Variants in LRBA observed in about 807,000 individuals in gnomAD.
LRBA encodes the protein lipopolysaccharide-responsive and beige-like anchor protein.
Under a neutral mutation model 330.0 loss-of-function variants are expected in LRBA, and 176 were observed. That is an observed-to-expected ratio of 0.53 (90% CI 0.47 to 0.60). The LOEUF (loss-of-function observed/expected upper bound fraction) is 0.60. LRBA is among the 20% of genes least tolerant of loss of function. The pLI, the probability that LRBA is intolerant of heterozygous loss-of-function variation, is 0.00. For synonymous variants in LRBA, 1,230 were observed against 1,193.0 expected (o/e 1.03, Z -0.64); for missense variants, 3,259 against 3,444.8 (o/e 0.95, Z 1.35).
rs146507247 is a variant in LRBA, at chr4:150,854,974, G to C, written c.2767-2031C>G. 2.9e-3 allele frequency among the ~76,000 whole-genome samples: 443 copies of C among 152,214 alleles called. 3 individuals are homozygous for C. The highest frequency in any genetic ancestry group is 0.01 in the African/African-American group (431 of 41,546). ...TCTGATTTCCCTTTTTAAAAGATCA[G>C]TGGCTGGGCACGGTGGCTCACGCCT... On this transcript the variant is annotated intron_variant, in intron 22 of 56. Coordinates refer to ENST00000651943, the MANE Select transcript of LRBA (RefSeq NM_001364905.1).
At chr4:150,299,657 A>G (rs1472537266) in intron 53 of LRBA, among the ~76,000 whole-genome samples, 2 of 151,986 alleles carry the variant, frequency 1.3e-5, no homozygotes, top group Non-Finnish European at 2.9e-5. Context: ...TATGGAAAAA[A>G]CAGTGTATGT....
intron 49 of LRBA, among the ~76,000 whole-genome samples, chr4:150,325,469 T>G (rs1340135988): frequency 6.6e-6 from 1 of 152,128 alleles, no homozygotes; most frequent in Non-Finnish European, 1.5e-5. Flanking sequence ...ACAGCAAAAC[T>G]AATCTAGAAA....
chr4:150,671,060 G>C (rs944940973), intron 37 of LRBA, among the ~76,000 whole-genome samples: 1 of 150,074 alleles, frequency 6.7e-6, no homozygotes, highest in African/African-American at 2.4e-5. Context: ...GAGAGAGAGA[G>C]AGACAGAGAG....
chr4:150,426,437 G>C (rs1749621848), intron 46 of LRBA, among the ~76,000 whole-genome samples: 1 of 151,660 alleles, frequency 6.6e-6, no homozygotes. Flanking sequence ...AAAATAATTG[G>C]GTTTAAGTCT....
In LRBA at chr4:150,760,438, T is replaced by C. The variant is rs541042256; in HGVS notation, c.5645+1345A>G. On this transcript the variant is annotated intron_variant, in intron 35 of 56. Transcript: ENST00000651943. ...CCCTCCTTCAACCTATCCTAAACAA[T>C]TCCGCCAGTTATCTTTCCAAACCCG... is the stretch of plus-strand genomic sequence containing the variant. Among the ~76,000 whole-genome samples, 28 of 152,128 alleles carry C rather than the reference T, an allele frequency of 1.8e-4. 1 individual carries two copies. The South Asian group carries it at 3.9e-3, about 21-fold the overall frequency.
At chr4:150,702,854 A>C (rs1454043954) in intron 36 of LRBA, among the ~76,000 whole-genome samples, 1 of 152,240 alleles carries the variant, frequency 6.6e-6, no homozygotes, top group Non-Finnish European at 1.5e-5. Flanking sequence ...GTTCAGAAAT[A>C]ATTTTCATAG....
At chr4:150,361,957 A>G (rs1300518996) in intron 47 of LRBA, among the ~76,000 whole-genome samples, 1 of 151,992 alleles carries the variant, frequency 6.6e-6, no homozygotes, top group East Asian at 1.9e-4. Context: ...ATTTTTTAGT[A>G]GAGACGGGGT....
intron 34 of LRBA, among the ~76,000 whole-genome samples, chr4:150,765,327 A>T (rs1735622348): frequency 6.6e-6 from 1 of 152,108 alleles, no homozygotes; most frequent in Non-Finnish European, 1.5e-5. Flanking sequence ...AACTATAATG[A>T]TGAAGACACA....
At chr4:150,343,948 T>TA (rs1735926595) in intron 48 of LRBA, among the ~76,000 whole-genome samples, 1 of 152,236 alleles carries the variant, frequency 6.6e-6, no homozygotes, top group Admixed American at 6.5e-5. Flanking sequence ...GTCCCCATGC[T>TA]ATCCGTCTAC....
intron 56 of LRBA, among the ~76,000 whole-genome samples, chr4:150,266,688 A>AAATT (rs1745384741): frequency 6.6e-6 from 1 of 152,248 alleles, no homozygotes; most frequent in Non-Finnish European, 1.5e-5. Flanking sequence ...GGCAGAGAGA[A>AAATT]AATTAAATAG....
At chr4:150,697,514 T>A (rs1033156863) in intron 36 of LRBA, among the ~76,000 whole-genome samples, 1 of 151,912 alleles carries the variant, frequency 6.6e-6, no homozygotes, top group Non-Finnish European at 1.5e-5. Flanking sequence ...GAATGAGACA[T>A]GTAATAAAGA....
intron 29 of LRBA, among the ~76,000 whole-genome samples, chr4:150,831,221 T>A (rs1444486233): frequency 6.6e-6 from 1 of 151,356 alleles, no homozygotes; most frequent in African/African-American, 2.4e-5. Flanking sequence ...TTTTTAGCAC[T>A]TTCACCACCT....
chr4:150,895,745 C>CGT (rs1730004093), intron 16 of LRBA, among the ~76,000 whole-genome samples: 1 of 152,140 alleles, frequency 6.6e-6, no homozygotes, highest in African/African-American at 2.4e-5. Context: ...AATAAACATA[C>CGT]GTGTGCATGT....
chr4:150,606,031 G>A (rs539234324), intron 37 of LRBA, among the ~76,000 whole-genome samples: 1 of 152,016 alleles, frequency 6.6e-6, no homozygotes, highest in Non-Finnish European at 1.5e-5. Context: ...CAAATTTTAT[G>A]TAATTAGGAA....
At chr4:150,430,870 T>C (rs1175862125) in intron 46 of LRBA, among the ~76,000 whole-genome samples, 1 of 152,152 alleles carries the variant, frequency 6.6e-6, no homozygotes, top group Non-Finnish European at 1.5e-5. Flanking sequence ...CAAGTAGTAA[T>C]CATTTCTACA....
intron 17 of LRBA, among the ~76,000 whole-genome samples, chr4:150,887,576 G>A (rs141344068): frequency 2.0e-5 from 3 of 152,108 alleles, no homozygotes; most frequent in African/African-American, 7.2e-5. Flanking sequence ...AGACCATCCT[G>A]GCTAATACGG....
chr4:150,541,667 A>C (rs1765330121), intron 40 of LRBA, among the ~76,000 whole-genome samples: 2 of 152,148 alleles, frequency 1.3e-5, no homozygotes, highest in Non-Finnish European at 2.9e-5. Flanking sequence ...TATACTATCT[A>C]CAGAAGACTC....
chr4:150,441,859 A>G (rs1751881222), intron 44 of LRBA, among the ~76,000 whole-genome samples: 1 of 152,116 alleles, frequency 6.6e-6, no homozygotes, highest in African/African-American at 2.4e-5. Context: ...AATTTTTCAA[A>G]TATTTCTTTA....
intron 37 of LRBA, among the ~76,000 whole-genome samples, chr4:150,639,966 T>G (rs1001522578): frequency 1.0e-4 from 15 of 147,174 alleles, no homozygotes; most frequent in African/African-American, 3.5e-4. Flanking sequence ...AAGCGATTCT[T>G]TTGCCTCAGC....
Sources: allele counts gnomAD v4.1 joint callset (sites outside exome capture counted in the v4.1 genomes callset), GRCh38; gene constraint gnomAD v4.1.1; transcripts MANE v1.5; gene names NCBI Gene and HGNC (gene_info 2026-07-23, HGNC 2026-07-21).